The following SLC22A23 variants were observed in gnomAD, a reference collection of about 807,000 sequenced individuals.
SLC22A23 encodes ion transporter protein.
SLC22A23 carries 26 observed loss-of-function variants against 61.0 expected under a neutral mutation model. That is an observed-to-expected ratio of 0.43 (90% CI 0.31 to 0.59). The LOEUF (loss-of-function observed/expected upper bound fraction) is 0.59. Among genes scored for constraint, SLC22A23 ranks in the 20% least tolerant of loss-of-function variants. The probability of loss-of-function intolerance (pLI) is 0.11; values close to 1 mark genes in which losing one functional copy is unlikely to be tolerated. For missense variants in SLC22A23, 796 were observed against 934.7 expected (o/e 0.85, Z 1.94); for synonymous variants, 430 against 413.9 (o/e 1.04, Z -0.47).
intron 1 of SLC22A23, among the ~76,000 whole-genome samples, chr6:3,423,924 G>C (rs1450908191): frequency 2.0e-5 from 3 of 152,138 alleles, no homozygotes; most frequent in East Asian, 1.9e-4. Flanking sequence ...AGACTGTAAC[G>C]ACCCAGGTGA....
At chr6:3,440,191 C>T (rs765579265) in intron 1 of SLC22A23, among the ~76,000 whole-genome samples, 1 of 152,176 alleles carries the variant, frequency 6.6e-6, no homozygotes. Flanking sequence ...AGGGAACTAT[C>T]CCGGGTGCAG....
chr6:3,275,788 T>G lies in SLC22A23; in HGVS notation c.1704-2376A>C, dbSNP rs994168529. Among the ~76,000 whole-genome samples, 6 of 152,378 alleles carry G rather than the reference T, an allele frequency of 3.9e-5. No individual in the cohort carries two copies. The South Asian group carries it at 1.2e-3, about 32-fold the overall frequency. On this transcript the variant is annotated intron_variant, in intron 9 of 9. Transcript: ENST00000406686. ...TAGTAGAGTCGGGGTTTCGCTGTGT[T>G]AGCCAGGGTGGTCTTGATCTCCTAA...
chr6:3,420,005 A>G (rs1770008559), intron 1 of SLC22A23, among the ~76,000 whole-genome samples: 1 of 152,208 alleles, frequency 6.6e-6, no homozygotes, highest in Non-Finnish European at 1.5e-5. Flanking sequence ...CCTTTAATTA[A>G]GCTTGTTAAC....
intron 1 of SLC22A23, among the ~76,000 whole-genome samples, chr6:3,450,952 A>T (rs890558241): frequency 1.3e-5 from 2 of 152,268 alleles, no homozygotes; most frequent in South Asian, 4.1e-4. Flanking sequence ...AAGGATACAA[A>T]TTACTTCCCA....
At position 3,387,737 on chromosome 6, in the gene SLC22A23, T is replaced by C. The variant is rs1767400540; in HGVS notation, c.913+22451A>G. On this transcript the variant is annotated intron_variant, in intron 3 of 9. Transcript: ENST00000406686. This position sits in a 1 kb window ranked among gnomAD's most constrained non-coding sequence, Gnocchi z 5.0. ...TGTACTGCTTTTGCCACTCCTCTAC[T>C]TTAAAATGTTTTTAAAATATGGTGA... Among the ~76,000 whole-genome samples the C allele has an allele frequency of 6.6e-6, 1 of 152,234 alleles. No homozygotes were observed. The highest frequency in any genetic ancestry group is 2.1e-4 in the South Asian group (1 of 4,832).
At chr6:3,314,984 G>T (rs1241980300) in intron 4 of SLC22A23, among the ~76,000 whole-genome samples, 1 of 152,112 alleles carries the variant, frequency 6.6e-6, no homozygotes, top group Non-Finnish European at 1.5e-5. Flanking sequence ...TGCTTTCCCA[G>T]ATGCTTTTGA....
intron 3 of SLC22A23, among the ~76,000 whole-genome samples, chr6:3,351,571 C>G (rs1211077655): frequency 6.6e-6 from 1 of 152,180 alleles, no homozygotes; most frequent in Non-Finnish European, 1.5e-5. Context: ...GCTCAGTCAA[C>G]AGCCCTCTCT....
chr6:3,416,822 A>C (rs1769743546), intron 1 of SLC22A23, among the ~76,000 whole-genome samples: 1 of 152,238 alleles, frequency 6.6e-6, no homozygotes, highest in Non-Finnish European at 1.5e-5. Context: ...GGGGTGGTGC[A>C]GGGAAGAAGC....
intron 3 of SLC22A23, chr6:3,378,017 G>A (rs1296499775): frequency 2.6e-5 from 4 of 152,166 alleles, no homozygotes; most frequent in Non-Finnish European, 5.9e-5. Flanking sequence ...CAGGAGTCCC[G>A]AGGTGTCTGC....
At chr6:3,293,024 C>T (rs1319802982) in intron 5 of SLC22A23, among the ~76,000 whole-genome samples, 2 of 152,140 alleles carry the variant, frequency 1.3e-5, no homozygotes, top group Non-Finnish European at 1.5e-5. Flanking sequence ...ACCAGGCCTC[C>T]GAGGACAGCA....
intron 6 of SLC22A23, among the ~76,000 whole-genome samples, chr6:3,287,988 G>A (rs1185907062): frequency 5.9e-5 from 9 of 152,062 alleles, no homozygotes; most frequent in Admixed American, 3.9e-4. Context: ...CCCGGCCTCC[G>A]TTTTGATTCT....
chr6:3,422,386 TCCA>T, intron 1 of SLC22A23, among the ~76,000 whole-genome samples: 1 of 152,198 alleles, frequency 6.6e-6, no homozygotes, highest in Middle Eastern at 3.4e-3. Flanking sequence ...AGAAACACCC[TCCA>T]CAAGCCAGGC....
intron 3 of SLC22A23, among the ~76,000 whole-genome samples, chr6:3,394,297 T>A (rs776753700): frequency 1.1e-4 from 16 of 152,030 alleles, no homozygotes; most frequent in Non-Finnish European, 2.2e-4. Flanking sequence ...CCCCAGCAAC[T>A]CCAGGCACAC....
At chr6:3,312,957 G>A (rs1016578238) in intron 4 of SLC22A23, 1 of 152,048 alleles carries the variant, frequency 6.6e-6, no homozygotes, top group African/African-American at 2.4e-5. Context: ...GGAGCAGGGT[G>A]GTGAGATGGA....
intron 1 of SLC22A23, chr6:3,439,365 G>T (rs752703478): frequency 2.3e-6 from 1 of 442,944 alleles, no homozygotes; most frequent in South Asian, 1.6e-5. Context: ...ATTTCTGAAA[G>T]TTCCCCAGGG....
In SLC22A23 at chr6:3,309,250, C is replaced by T. The variant is rs780125951; in HGVS notation, c.1083-11032G>A. 7.8e-4 allele frequency among the ~76,000 whole-genome samples: 117 copies of T among 150,366 alleles called. No individual in the cohort carries two copies. The highest frequency in any genetic ancestry group is 1.4e-3 in the Non-Finnish European group (92 of 67,582). On this transcript the variant is annotated intron_variant, in intron 4 of 9. Coordinates refer to ENST00000406686, the MANE Select transcript of SLC22A23 (RefSeq NM_015482.2). The surrounding 1 kb of genome is among the most constrained non-coding windows in gnomAD (Gnocchi z 4.7). The stretch of plus-strand genomic sequence containing the variant: ...CGGGAGGTTTGCAGTGGACCAAGGT[C>T]GTGCCGCTGCACTCTAGCCTGGGCA...
At chr6:3,301,977 T>A (rs1761645209) in intron 4 of SLC22A23, among the ~76,000 whole-genome samples, 1 of 152,274 alleles carries the variant, frequency 6.6e-6, no homozygotes, top group African/African-American at 2.4e-5. Context: ...GAATTCCTTC[T>A]GTTTCGTTTT....
chr6:3,281,038 C>CTT, intron 9 of SLC22A23, among the ~76,000 whole-genome samples: 1 of 152,302 alleles, frequency 6.6e-6, no homozygotes, highest in East Asian at 1.9e-4. Flanking sequence ...GCGCCTGCCT[C>CTT]CTCTCTCACC....
intron 1 of SLC22A23, among the ~76,000 whole-genome samples, chr6:3,435,394 T>C (rs1305911577): frequency 6.6e-6 from 1 of 151,248 alleles, no homozygotes; most frequent in Non-Finnish European, 1.5e-5. Flanking sequence ...CCCCCTTTCC[T>C]TTCCCTCCTC....
Sources: allele counts gnomAD v4.1 joint callset (sites outside exome capture counted in the v4.1 genomes callset), GRCh38; gene constraint gnomAD v4.1.1; non-coding constraint Gnocchi (gnomAD v3.1); transcripts MANE v1.5; gene names NCBI Gene and HGNC (gene_info 2026-07-23, HGNC 2026-07-21).